Variants in EPB41L1 observed in about 807,000 individuals in gnomAD.
EPB41L1 encodes the protein erythrocyte membrane protein band 4.1 like 1, also known as band 4.1-like protein 1.
EPB41L1 carries 29 observed loss-of-function variants against 97.8 expected under a neutral mutation model. The ratio of observed to expected loss-of-function variants is 0.30; its 90% CI spans 0.22 to 0.40. EPB41L1 has a LOEUF of 0.40. EPB41L1 is among the 10% of genes least tolerant of loss of function. EPB41L1 has a pLI of 1.00. For missense variants in EPB41L1, 812 were observed against 1,162.3 expected (o/e 0.70, Z 4.38); for synonymous variants, 383 against 459.2 (o/e 0.83, Z 2.12).
intron 16 of EPB41L1, among the ~76,000 whole-genome samples, chr20:36,213,518 A>G (rs2063262242): frequency 6.6e-6 from 1 of 152,202 alleles, no homozygotes; most frequent in Non-Finnish European, 1.5e-5. Flanking sequence ...GCCGTCTACT[A>G]CAGGTCAGGA....
At chr20:36,194,181 A>C (rs775874952) in intron 11 of EPB41L1, 31 bp from the exon 12 acceptor site, 1 of 1,612,426 alleles carries the variant, frequency 6.2e-7, no homozygotes, top group Admixed American at 1.7e-5. Context: ...GGGGTCTCAC[A>C]TGGTTGCCTG....
intron 1 of EPB41L1, among the ~76,000 whole-genome samples, chr20:36,155,933 C>G (rs1171504879): frequency 6.7e-6 from 1 of 150,226 alleles, no homozygotes; most frequent in African/African-American, 2.5e-5. Flanking sequence ...GCATTAGGAG[C>G]CTTCCAGAAT....
At chr20:36,094,537 C>T (rs144261130) in intron 1 of EPB41L1, among the ~76,000 whole-genome samples, 115 of 152,212 alleles carry the variant, frequency 7.6e-4, no homozygotes, top group African/African-American at 2.6e-3. Flanking sequence ...AGTTCTTCCC[C>T]GTAACGTCAC....
intron 1 of EPB41L1, among the ~76,000 whole-genome samples, chr20:36,159,968 A>T (rs887259539): frequency 6.6e-6 from 1 of 152,230 alleles, no homozygotes; most frequent in Non-Finnish European, 1.5e-5. Context: ...GCATGTAAAC[A>T]TCTTGGCATG....
chr20:36,201,835 A>G (rs2062515040), intron 14 of EPB41L1, among the ~76,000 whole-genome samples: 1 of 152,156 alleles, frequency 6.6e-6, no homozygotes, highest in South Asian at 2.1e-4. Flanking sequence ...CTGAGCGATC[A>G]TCTGGGCAGA....
Position 36,154,998 on chromosome 20 carries a change from G to A in EPB41L1, c.-15+102G>A. On this transcript the variant is annotated intron_variant, in intron 1 of 21. Transcript: ENST00000338074. This position sits in a 1 kb window ranked among gnomAD's most constrained non-coding sequence, Gnocchi z 5.5. The stretch of plus-strand genomic sequence containing the variant: ...AGGAACGGGGGCGAGGCCGAGAACT[G>A]AGTTTTCAGGCTGTTGGTCCCCTGG... 1 of 1,066,246 alleles carries A rather than the reference G, an allele frequency of 9.4e-7. No individual in the cohort carries two copies. The highest frequency in any genetic ancestry group is 1.2e-6 in the Non-Finnish European group (1 of 824,276). 66.0% of individuals were successfully genotyped at this position (1,066,246 alleles called of 1,614,324 possible).
chr20:36,126,172 ACTC>A (rs2058958798), intron 2 of EPB41L1, among the ~76,000 whole-genome samples: 1 of 151,490 alleles, frequency 6.6e-6, no homozygotes, highest in South Asian at 2.1e-4. Flanking sequence ...CTGAATGATG[ACTC>A]CTCCATTAGG....
chr20:36,178,094 C>T (rs1303135593), intron 4 of EPB41L1, 38 bp downstream of exon 4: 28 of 1,477,842 alleles, frequency 1.9e-5, no homozygotes, highest in Non-Finnish European at 2.5e-5. Flanking sequence ...CCTGCTCTTC[C>T]GTTAGGCTCC....
Position 36,112,620 on chromosome 20 carries a change from G to A in EPB41L1, c.-10+140G>A, listed in dbSNP as rs1430748373. On this transcript the variant is annotated intron_variant, in intron 2 of 19. Transcript: ENST00000202028. ...GCTTTGTCTACGCCACCTGTTTCTGGTGGCGCTGAAAACGGGGGCCATGCT... is the reference window on the plus strand; with the variant it reads ...GCTTTGTCTACGCCACCTGTTTCTGATGGCGCTGAAAACGGGGGCCATGCT... 3.3e-5 allele frequency: 5 copies of A among 152,402 alleles called. No homozygotes were observed. The South Asian group carries it at 6.2e-4, about 19-fold the overall frequency. 9.4% of individuals were successfully genotyped at this position (152,402 alleles called of 1,614,324 possible).
rs2062914715 is a variant in EPB41L1, at chr20:36,207,856, T to C, written c.1669-1632T>C. 8.3e-7 allele frequency: 1 copy of C among 1,209,250 alleles called. No individual in the cohort carries two copies. The highest frequency in any genetic ancestry group is 1.5e-5 in the South Asian group (1 of 68,714). 74.9% of individuals were successfully genotyped at this position (1,209,250 alleles called of 1,614,324 possible). On this transcript the variant is annotated intron_variant, in intron 14 of 21. Transcript: ENST00000338074. This position sits in a 1 kb window ranked among gnomAD's most constrained non-coding sequence, Gnocchi z 4.9. ...GGCTGGCCGCATGCTCTGTAGTTTT[T>C]AGAAGCATGTTTCAGTGGCCCCTCG...
intron 1 of EPB41L1, among the ~76,000 whole-genome samples, chr20:36,171,181 A>C (rs926358674): frequency 1.3e-5 from 2 of 151,486 alleles, no homozygotes; most frequent in African/African-American, 4.9e-5. Context: ...AGTTATTTTA[A>C]GGGTTCTTGC....
Position 36,212,666 on chromosome 20 carries a change from G to A in EPB41L1, c.2184+290G>A, listed in dbSNP as rs1357423849. On this transcript the variant is annotated intron_variant, in intron 16 of 21. Coordinates refer to ENST00000338074, the MANE Select transcript of EPB41L1 (RefSeq NM_012156.2). This position sits in a 1 kb window ranked among gnomAD's most constrained non-coding sequence, Gnocchi z 4.8. Reference sequence around the variant, plus strand: ...TACCCCTTCCTCCTGGGCATATTGGGAGGACTGTACTGACTAGTGGATTGG... The same window carrying A: ...TACCCCTTCCTCCTGGGCATATTGGAAGGACTGTACTGACTAGTGGATTGG... Among the ~76,000 whole-genome samples the A allele has an allele frequency of 6.6e-6, 1 of 152,190 alleles. No individual in the cohort carries two copies. The highest frequency in any genetic ancestry group is 6.5e-5 in the Admixed American group (1 of 15,286).
At chr20:36,136,775 GTTC>G (rs2059433909) in intron 2 of EPB41L1, among the ~76,000 whole-genome samples, 1 of 151,648 alleles carries the variant, frequency 6.6e-6, no homozygotes, top group South Asian at 2.1e-4. Flanking sequence ...TAAAAATGGG[GTTC>G]TTCTTTTGTT....
intron 6 of EPB41L1, among the ~76,000 whole-genome samples, chr20:36,183,946 G>GAA (rs2061570911): frequency 6.6e-6 from 1 of 152,116 alleles, no homozygotes; most frequent in Non-Finnish European, 1.5e-5. Context: ...ATACTTAAAA[G>GAA]AAAAAAGCCC....
intron 2 of EPB41L1, among the ~76,000 whole-genome samples, chr20:36,127,554 C>G (rs533426181): frequency 6.6e-6 from 1 of 152,278 alleles, no homozygotes; most frequent in African/African-American, 2.4e-5. Flanking sequence ...CTGCCCCAGG[C>G]CTTTCATCCT....
chr20:36,130,822 T>C lies in EPB41L1; in HGVS notation c.-10+18342T>C, dbSNP rs867341632. On this transcript the variant is annotated intron_variant, in intron 2 of 19. Transcript: ENST00000202028. ...CTCTCTCTCTCTCTCTCTCTTTTTT[T>C]CCCCGAGACAGAGTTTTGCTCTTGT... is the stretch of plus-strand genomic sequence containing the variant. 8.8e-4 allele frequency among the ~76,000 whole-genome samples: 134 copies of C among 151,806 alleles called. 1 individual carries two copies. The highest frequency in any genetic ancestry group is 3.0e-3 in the African/African-American group (123 of 41,350).
chr20:36,189,385 A>G (rs543439282), intron 9 of EPB41L1, among the ~76,000 whole-genome samples: 37 of 152,014 alleles, frequency 2.4e-4, no homozygotes, highest in Non-Finnish European at 1.5e-5. Flanking sequence ...GCTAAACTTC[A>G]AACTCCTTCC....
intron 2 of EPB41L1, among the ~76,000 whole-genome samples, chr20:36,113,408 TTGTGTGTGTGTG>T (rs3057822): frequency 0.022 from 3,129 of 143,548 alleles, 80 homozygotes; most frequent in African/African-American, 0.063. Flanking sequence ...AACTTTCCAT[TTGTGTGTGTGTG>T]TGTGTGTGTG....
At chr20:36,115,981 G>A (rs1012431355) in intron 2 of EPB41L1, among the ~76,000 whole-genome samples, 2 of 152,230 alleles carry the variant, frequency 1.3e-5, no homozygotes, top group Non-Finnish European at 2.9e-5. Context: ...GAGGCTCAGA[G>A]GGAATAAGTG....
Sources: gnomAD v4.1 joint callset for allele counts (sites outside exome capture counted in the v4.1 genomes callset) on GRCh38, gnomAD v4.1.1 for gene constraint, Gnocchi (gnomAD v3.1) non-coding constraint, MANE v1.5 for transcripts, NCBI Gene and HGNC (gene_info 2026-07-23, HGNC 2026-07-21) for gene names.